Variants in SHLD2 observed in about 807,000 individuals in gnomAD.
SHLD2 encodes the protein RINN1-REV7-interacting novel NHEJ regulator 2.
A neutral mutation model predicts 73.2 loss-of-function variants in SHLD2; 30 were observed. That is an observed-to-expected ratio of 0.41 (90% CI 0.31 to 0.56). The LOEUF (loss-of-function observed/expected upper bound fraction) is 0.56, where lower values mean the gene tolerates loss of function less well. Among genes scored for constraint, SHLD2 ranks in the 20% least tolerant of loss-of-function variants. The probability of loss-of-function intolerance (pLI) is 0.28; values close to 1 mark genes in which losing one functional copy is unlikely to be tolerated. For missense variants in SHLD2, 745 were observed against 1,055.9 expected (o/e 0.71, Z 4.08); for synonymous variants, 285 against 370.1 (o/e 0.77, Z 2.64).
intron 3 of SHLD2, among the ~76,000 whole-genome samples, chr10:87,156,323 C>T (rs1194502060): frequency 1.3e-5 from 2 of 152,126 alleles, no homozygotes; most frequent in African/African-American, 4.8e-5. Context: ...CCTCGGCCTC[C>T]CAAAGTTCTG....
At chr10:87,141,530 A>G (rs924161399) in intron 2 of SHLD2, among the ~76,000 whole-genome samples, 27 of 151,864 alleles carry the variant, frequency 1.8e-4, no homozygotes, top group African/African-American at 6.3e-4. Flanking sequence ...TTAGTCCACC[A>G]CGTTAGCCAG....
At chr10:87,134,385 A>G (rs1045686206) in intron 2 of SHLD2, among the ~76,000 whole-genome samples, 3 of 152,188 alleles carry the variant, frequency 2.0e-5, no homozygotes, top group African/African-American at 7.2e-5. Flanking sequence ...ATAGGAATCC[A>G]CCATAGATGA....
rs374457039 is a variant in SHLD2, at chr10:87,167,593, C to G, written c.1634-2885C>G. Among the ~76,000 whole-genome samples the G allele has an allele frequency of 2.5e-3, 375 of 152,048 alleles. 11 individuals carry two copies. The East Asian group carries it at 0.067, about 27-fold the overall frequency. ...TGGGAAATAATTATGATGAAGCCCT[C>G]GAGCAATTGCAACAAAACCAAAAAT... On this transcript the variant is annotated intron_variant, in intron 4 of 9. Transcript: ENST00000298786.
chr10:87,181,119 G>A lies in SHLD2; in HGVS notation c.2399+816G>A, dbSNP rs555054641. The stretch of plus-strand genomic sequence containing the variant: ...TGGTAGGCTGGGTGTGGTGGCTCAC[G>A]CATGTAATCCCAGCACTTTGGGAGG... On this transcript the variant is annotated intron_variant, in intron 8 of 9. Transcript: ENST00000298786. 1.8e-4 allele frequency among the ~76,000 whole-genome samples: 27 copies of A among 150,890 alleles called. No homozygotes were observed. The South Asian group carries it at 5.2e-3, about 29-fold the overall frequency.
intron 8 of SHLD2, among the ~76,000 whole-genome samples, chr10:87,185,907 T>G (rs1297724738): frequency 6.6e-6 from 1 of 152,152 alleles, no homozygotes; most frequent in African/African-American, 2.4e-5. Context: ...GAGGTCTCAT[T>G]GTGTTGCCCA....
chr10:87,170,414 T>C (rs1847512886), intron 4 of SHLD2, 64 bp from the exon 5 acceptor site: 4 of 1,158,404 alleles, frequency 3.5e-6, no homozygotes, highest in Non-Finnish European at 4.9e-6. Context: ...CTAAAAAATA[T>C]TATTTGTGAA....
chr10:87,105,892 G>A (rs1057289007), intron 2 of SHLD2, among the ~76,000 whole-genome samples: 2 of 152,214 alleles, frequency 1.3e-5, no homozygotes, highest in Non-Finnish European at 2.9e-5. Flanking sequence ...TACATGCCAC[G>A]CCCTGGCTGT....
intron 7 of SHLD2, among the ~76,000 whole-genome samples, chr10:87,179,090 C>T (rs1848137641): frequency 6.6e-6 from 1 of 152,090 alleles, no homozygotes. Flanking sequence ...GAGAATAATG[C>T]TCAGGAAAAC....
chr10:87,102,134 C>G (rs532914592), intron 2 of SHLD2, among the ~76,000 whole-genome samples: 1 of 152,084 alleles, frequency 6.6e-6, no homozygotes, highest in South Asian at 2.1e-4. Flanking sequence ...TTACTTTTAC[C>G]AATCTCTTAT....
chr10:87,151,359 G>A lies in SHLD2; in HGVS notation c.5G>A (p.Ser2Asn), dbSNP rs749062860. The change falls in exon 3 of 10, where the codon AGT becomes AAT. Residue 2 changes from serine to asparagine, a missense_variant. Coordinates refer to ENST00000298786, the MANE Select transcript of SHLD2 (RefSeq NM_001330112.2). M[S>N]GGSQVHIFWG... is the part of the protein sequence containing the mutation. ...TTTTCATTTTTATCAGAAATCATGAGTGGAGGATCTCAAGTCCACATTTTT... is the reference window on the plus strand; with the variant it reads ...TTTTCATTTTTATCAGAAATCATGAATGGAGGATCTCAAGTCCACATTTTT... 3.2e-6 allele frequency: 5 copies of A among 1,540,040 alleles called. No homozygotes were observed. In the East Asian group the frequency reaches 1.1e-4, roughly 35 times the overall value.
intron 2 of SHLD2, among the ~76,000 whole-genome samples, chr10:87,134,638 G>C (rs1844669812): frequency 6.6e-6 from 1 of 152,152 alleles, no homozygotes; most frequent in African/African-American, 2.4e-5. Context: ...CCTCTCCCAG[G>C]TATAGGGCAA....
chr10:87,102,628 G>A (rs1842340065), intron 2 of SHLD2, among the ~76,000 whole-genome samples: 1 of 152,100 alleles, frequency 6.6e-6, no homozygotes, highest in Admixed American at 6.6e-5. Flanking sequence ...AGAATTGCTT[G>A]AATTCAGGAG....
intron 2 of SHLD2, among the ~76,000 whole-genome samples, chr10:87,106,300 C>T (rs992649023): frequency 3.9e-5 from 6 of 152,196 alleles, no homozygotes; most frequent in Non-Finnish European, 7.3e-5. Flanking sequence ...CCACTGTTCC[C>T]GGCCAGAAGG....
chr10:87,154,664 AG>A (rs928104611), intron 3 of SHLD2, among the ~76,000 whole-genome samples: 1 of 152,152 alleles, frequency 6.6e-6, no homozygotes, highest in Non-Finnish European at 1.5e-5. Flanking sequence ...TACAAGTGTG[AG>A]CCACCGTGCC....
intron 2 of SHLD2, among the ~76,000 whole-genome samples, chr10:87,148,042 G>T (rs1156530162): frequency 6.6e-6 from 1 of 152,092 alleles, no homozygotes; most frequent in Non-Finnish European, 1.5e-5. Context: ...ATTTTTACAG[G>T]ATTTTACCAT....
intron 2 of SHLD2, among the ~76,000 whole-genome samples, chr10:87,116,067 T>C (rs1843239696): frequency 6.6e-6 from 1 of 152,190 alleles, no homozygotes; most frequent in Non-Finnish European, 1.5e-5. Context: ...TGAATGAATA[T>C]GAGGACAGGG....
chr10:87,166,065 CT>C (rs1267227759), intron 4 of SHLD2, among the ~76,000 whole-genome samples: 1 of 151,906 alleles, frequency 6.6e-6, no homozygotes, highest in African/African-American at 2.4e-5. Context: ...AATTATCATC[CT>C]AATTGGAAAA....
intron 2 of SHLD2, among the ~76,000 whole-genome samples, chr10:87,140,723 A>C (rs1845132536): frequency 6.6e-6 from 1 of 152,102 alleles, no homozygotes; most frequent in African/African-American, 2.4e-5. Flanking sequence ...TCATGCCTGT[A>C]ATCCTAACAC....
chr10:87,134,877 C>T (rs1844691190), intron 2 of SHLD2, among the ~76,000 whole-genome samples: 1 of 152,154 alleles, frequency 6.6e-6, no homozygotes, highest in African/African-American at 2.4e-5. Flanking sequence ...CTCCAGAAGG[C>T]TGGCTGGAGA....
Sources: allele counts gnomAD v4.1 joint callset (sites outside exome capture counted in the v4.1 genomes callset), GRCh38; gene constraint gnomAD v4.1.1; transcripts MANE v1.5; gene names NCBI Gene and HGNC (gene_info 2026-07-23, HGNC 2026-07-21).